PPIE: variants seen among roughly 807,000 people sequenced by gnomAD.
PPIE encodes the protein peptidyl-prolyl cis-trans isomerase E.
In PPIE, 20 loss-of-function variants were observed where a neutral mutation model predicts 38.4. The observed-to-expected ratio is 0.52, with a 90% CI of 0.37 to 0.76. The LOEUF (loss-of-function observed/expected upper bound fraction) is 0.76. Ranked by LOEUF, PPIE falls within the 30% of genes least tolerant of loss-of-function variation. PPIE has a pLI of 0.00. For missense variants in PPIE, 322 were observed against 385.8 expected, an observed-to-expected ratio of 0.83 and a Z score of 1.39; for synonymous variants, 142 against 135.7, an observed-to-expected ratio of 1.05 and a Z score of -0.32.
intron 8 of PPIE, among the ~76,000 whole-genome samples, 199 bp downstream of exon 8, chr1:39,749,287 A>G (rs917973229): frequency 1.3e-5 from 2 of 151,964 alleles, no homozygotes; most frequent in African/African-American, 4.8e-5. Context: ...TCATCCCCCA[A>G]CCGTGTCCAC....
chr1:39,760,183 A>G, downstream of PPIE: 1 of 701,174 alleles, frequency 1.4e-6, no homozygotes, highest in South Asian at 1.9e-5. Context: ...TTTGGGTAGA[A>G]CACTGCCTGA....
intron 9 of PPIE, chr1:39,762,969 GCAGA>G (rs1327438850): frequency 2.3e-5 from 28 of 1,234,296 alleles, no homozygotes; most frequent in African/African-American, 1.6e-4. Context: ...TACTGACTGT[GCAGA>G]CAAAGCCCCC....
At chr1:39,750,114 C>T (rs1465468870) in intron 8 of PPIE, among the ~76,000 whole-genome samples, 1 of 151,750 alleles carries the variant, frequency 6.6e-6, no homozygotes, top group African/African-American at 2.4e-5. Context: ...GCCTGGGCAA[C>T]AAGAGCGAAA....
At position 39,754,906 on chromosome 1, in the gene PPIE, TA is replaced by T. The variant is rs1040563748; in HGVS notation, c.*1556del. The T allele has an allele frequency of 3.4e-5, 21 of 612,090 alleles. No individual in the cohort carries two copies. The highest frequency in any genetic ancestry group is 3.4e-4 in the African/African-American group (17 of 49,988). The allele number at this position is 612,090 out of a possible 1,614,324, so 37.9% of individuals were successfully genotyped here. ...AGCAACATCTAGACTAGTGTTTGAC[TA>T]AAAACTGGATACCATGGCCTAGCCA... On this transcript the variant is annotated 3_prime_UTR_variant, in exon 10 of 10. Transcript: ENST00000324379.
rs1165434477 is a variant in PPIE at position 39,762,728 on chromosome 1, G to C, written c.838-961G>C. The C allele has an allele frequency of 1.7e-5, 25 of 1,431,538 alleles. No individual in the cohort carries two copies. In the South Asian group the frequency reaches 3.2e-4, roughly 19 times the overall value. The allele number at this position is 1,431,538 out of a possible 1,614,324, so 88.7% of individuals were successfully genotyped here. A position where few individuals can be genotyped will look rare whatever the true frequency, so the allele number is the denominator to read the frequency against. The stretch of plus-strand genomic sequence containing the variant: ...GGTCAGACTTGCCAGCGTACTCGGC[G>C]GCCCGTGTGCTAAGATCACACAGCC... On this transcript the variant is annotated intron_variant, in intron 9 of 9. Transcript: ENST00000356511.
intron 7 of PPIE, chr1:39,747,670 G>GTTGC (rs1308056041): frequency 6.6e-6 from 1 of 151,716 alleles, no homozygotes; most frequent in Non-Finnish European, 1.5e-5. Flanking sequence ...CACCATGTTG[G>GTTGC]TTGGCCAGGC....
At chr1:39,752,628 G>C (rs1254287428) in intron 8 of PPIE, among the ~76,000 whole-genome samples, 1 of 152,208 alleles carries the variant, frequency 6.6e-6, no homozygotes, top group African/African-American at 2.4e-5. Context: ...CTGCTCATCA[G>C]TGTTCCCAGG....
chr1:39,757,171 ACAT>A (rs1648368946), downstream of PPIE: 1 of 152,270 alleles, frequency 6.6e-6, no homozygotes, highest in Non-Finnish European at 1.5e-5. Context: ...TGAAATAAAT[ACAT>A]CATCACCTGC....
chr1:39,746,243 A>G (rs1288258284), intron 7 of PPIE: 3 of 152,190 alleles, frequency 2.0e-5, no homozygotes, highest in Non-Finnish European at 2.9e-5. Flanking sequence ...TATTTTAACA[A>G]TGTAAGCATC....
rs1191412209 is a variant in PPIE at position 39,753,678 on chromosome 1, C to G, written c.*323C>G. 2 of 1,136,124 alleles carry G rather than the reference C, an allele frequency of 1.8e-6. No homozygotes were observed. Among genetic ancestry groups the G allele is most frequent in the Non-Finnish European group, 2.2e-6 (2 of 925,380 alleles). 70.4% of individuals were successfully genotyped at this position (1,136,124 alleles called of 1,614,324 possible). The stretch of plus-strand genomic sequence containing the variant: ...GTGTGGCTCTTACGTGTTTTCTTTG[C>G]TAAAATAAACCCTAGTTCTTATATT... On this transcript the variant is annotated 3_prime_UTR_variant, in exon 10 of 10. Transcript: ENST00000324379.
chr1:39,741,645 C>T, intron 3 of PPIE: 2 of 620,704 alleles, frequency 3.2e-6, no homozygotes, highest in Admixed American at 5.9e-5. Flanking sequence ...CTAGCTCATG[C>T]ACCCCTGTTC....
At chr1:39,763,207 G>A in intron 9 of PPIE, 1 of 1,607,928 alleles carries the variant, frequency 6.2e-7, no homozygotes, top group Non-Finnish European at 8.5e-7. Flanking sequence ...CCAGTCCTGG[G>A]GGGCAAGGGA....
At chr1:39,760,186 C>T (rs1049144867), downstream of PPIE, 1 of 710,814 alleles carries the variant, frequency 1.4e-6, no homozygotes, top group Non-Finnish European at 2.3e-6. Context: ...GGGTAGAACA[C>T]TGCCTGATGA....
chr1:39,744,403 C>T (rs1647142051), intron 6 of PPIE, among the ~76,000 whole-genome samples: 1 of 152,336 alleles, frequency 6.6e-6, no homozygotes, highest in South Asian at 2.1e-4. Context: ...GGGGCACTTC[C>T]CCCTGATTCT....
chr1:39,739,687 G>C (rs947921755), intron 1 of PPIE, among the ~76,000 whole-genome samples: 3 of 152,184 alleles, frequency 2.0e-5, no homozygotes, highest in Non-Finnish European at 1.5e-5. Flanking sequence ...CTGCAAGGGA[G>C]TCGCAAAGGT....
intron 9 of PPIE, among the ~76,000 whole-genome samples, chr1:39,762,082 T>C (rs1343141402): frequency 6.6e-6 from 1 of 152,170 alleles, no homozygotes; most frequent in East Asian, 1.9e-4. Context: ...GTCCTCATCA[T>C]CCCTGGGCCT....
At chr1:39,741,015 C>T (rs142826449) in intron 2 of PPIE, among the ~76,000 whole-genome samples, 28 of 152,192 alleles carry the variant, frequency 1.8e-4, no homozygotes, top group East Asian at 9.6e-4. Context: ...ACAGTTGATG[C>T]GCAAAATATA....
At chr1:39,760,124 C>T, downstream of PPIE, 1 of 457,498 alleles carries the variant, frequency 2.2e-6, no homozygotes, top group Non-Finnish European at 4.0e-6. Context: ...GACTTCTGTG[C>T]CAACCCCAAA....
intron 7 of PPIE, 166 bp downstream of exon 7, chr1:39,745,664 G>T (rs1433373365): frequency 1.9e-5 from 21 of 1,112,118 alleles, no homozygotes; most frequent in Non-Finnish European, 2.6e-5. Context: ...GTCAGAGCAG[G>T]TGTTTTTGAA....
Sources: allele counts gnomAD v4.1 joint callset (sites outside exome capture counted in the v4.1 genomes callset), GRCh38; gene constraint gnomAD v4.1.1; transcripts MANE v1.5; gene names NCBI Gene and HGNC (gene_info 2026-07-23, HGNC 2026-07-21).